The following SH3BGRL2 variants were observed in gnomAD, a reference collection of about 807,000 sequenced individuals.
The protein encoded by SH3BGRL2 is SH3 domain binding glutamate rich protein like 2, also known as SH3 domain-binding glutamic acid-rich-like protein 2.
In SH3BGRL2, 21 loss-of-function variants were observed where a neutral mutation model predicts 14.8. That is an observed-to-expected ratio of 1.42 (90% confidence interval 1.01 to 2.05). The LOEUF (loss-of-function observed/expected upper bound fraction) is 2.05. Among genes scored for constraint, SH3BGRL2 ranks in the 30% most tolerant of loss-of-function variants. The probability of loss-of-function intolerance (pLI) is 0.00; values close to 1 mark genes in which losing one functional copy is unlikely to be tolerated. For missense variants in SH3BGRL2, 147 were observed against 130.8 expected, an observed-to-expected ratio of 1.12 and a Z score of -0.61; for synonymous variants, 50 against 47.8, an observed-to-expected ratio of 1.05 and a Z score of -0.19.
At chr6:79,666,311 C>T (rs1413234333) in intron 1 of SH3BGRL2, among the ~76,000 whole-genome samples, 1 of 152,146 alleles carries the variant, frequency 6.6e-6, no homozygotes, top group East Asian at 1.9e-4. Context: ...GGACAAGGGG[C>T]CTTAGCATTG....
At chr6:79,672,572 C>G (rs1582730914) in intron 1 of SH3BGRL2, among the ~76,000 whole-genome samples, 1 of 152,114 alleles carries the variant, frequency 6.6e-6, no homozygotes, top group African/African-American at 2.4e-5. Context: ...TTAAAGTGAT[C>G]TCTTTAAAAC....
At chr6:79,690,797 A>T (rs1168240215) in intron 2 of SH3BGRL2, among the ~76,000 whole-genome samples, 2 of 152,154 alleles carry the variant, frequency 1.3e-5, no homozygotes, top group Non-Finnish European at 1.5e-5. Context: ...CACGCCTGTC[A>T]TCTCAGCACT....
the SH3BGRL2 span, among the ~76,000 whole-genome samples, chr6:79,580,850 G>C: frequency 1.1e-4 from 17 of 152,146 alleles, no homozygotes; most frequent in Non-Finnish European, 2.9e-5. Context: ...GAAGCCAGGA[G>C]CTGGTTTCTT....
At chr6:79,610,112 G>C in the SH3BGRL2 span, among the ~76,000 whole-genome samples, 1 of 152,124 alleles carries the variant, frequency 6.6e-6, no homozygotes, top group East Asian at 1.9e-4. Flanking sequence ...ATTTTTATCT[G>C]GAGAAAAGGA....
chr6:79,693,381 C>T (rs1052766017), intron 2 of SH3BGRL2, among the ~76,000 whole-genome samples: 1 of 151,556 alleles, frequency 6.6e-6, no homozygotes, highest in African/African-American at 2.4e-5. Context: ...CTGGCCAGGA[C>T]TTCCAACACT....
chr6:79,698,796 T>G (rs1429718838), intron 3 of SH3BGRL2, among the ~76,000 whole-genome samples: 1 of 152,138 alleles, frequency 6.6e-6, no homozygotes, highest in African/African-American at 2.4e-5. Context: ...GAGCCCACAG[T>G]GGCTGGCCCA....
intron 1 of SH3BGRL2, among the ~76,000 whole-genome samples, chr6:79,663,126 C>T (rs1421184639): frequency 1.3e-5 from 2 of 152,044 alleles, no homozygotes; most frequent in African/African-American, 4.8e-5. Context: ...TTGTTATTAC[C>T]GACATTCTGA....
At chr6:79,545,670 A>C in the SH3BGRL2 span, among the ~76,000 whole-genome samples, 3 of 152,234 alleles carry the variant, frequency 2.0e-5, no homozygotes, top group Non-Finnish European at 2.9e-5. Flanking sequence ...CCTGCATAAT[A>C]CTAGGGAAAA....
chr6:79,559,581 T>G, the SH3BGRL2 span, among the ~76,000 whole-genome samples: 1 of 152,214 alleles, frequency 6.6e-6, no homozygotes, highest in Non-Finnish European at 1.5e-5. Context: ...CAATACTTCG[T>G]ATTAGACTAG....
At chr6:79,687,460 T>A (rs1770123003) in intron 2 of SH3BGRL2, among the ~76,000 whole-genome samples, 1 of 152,184 alleles carries the variant, frequency 6.6e-6, no homozygotes, top group South Asian at 2.1e-4. Flanking sequence ...GAATTTGAGA[T>A]TCTCACCTTT....
At chr6:79,559,288 A>G in the SH3BGRL2 span, among the ~76,000 whole-genome samples, 1 of 151,700 alleles carries the variant, frequency 6.6e-6, no homozygotes, top group African/African-American at 2.4e-5. Context: ...ACATGGTGAG[A>G]CCCCATCCGT....
intron 1 of SH3BGRL2, 137 bp downstream of exon 1, chr6:79,631,643 C>A (rs1768827873): frequency 4.1e-6 from 2 of 485,638 alleles, no homozygotes; most frequent in East Asian, 4.3e-5. Flanking sequence ...GGTGATCCAT[C>A]ACACTCCGAC....
chr6:79,541,522 G>A, the SH3BGRL2 span, among the ~76,000 whole-genome samples: 1 of 152,052 alleles, frequency 6.6e-6, no homozygotes, highest in East Asian at 1.9e-4. Flanking sequence ...TCCAGGTATG[G>A]CCACCAGTGC....
chr6:79,590,809 T>C, the SH3BGRL2 span, among the ~76,000 whole-genome samples: 1 of 152,118 alleles, frequency 6.6e-6, no homozygotes. Context: ...CCTGCACATG[T>C]ACCTCCTGAA....
Position 79,688,664 on chromosome 6 carries a change from G to A in SH3BGRL2, c.232-7821G>A, listed in dbSNP as rs576490013. 3.2e-3 allele frequency among the ~76,000 whole-genome samples: 483 copies of A among 152,000 alleles called. 5 individuals are homozygous for A. The highest frequency in any genetic ancestry group is 0.011 in the African/African-American group (462 of 41,488). ...TTAACCTTTGTAGTAGGAACCCTAAGGTATTTTTTAAATATATGTAAGCCT... is the reference window on the plus strand; with the variant it reads ...TTAACCTTTGTAGTAGGAACCCTAAAGTATTTTTTAAATATATGTAAGCCT... On this transcript the variant is annotated intron_variant, in intron 2 of 3. Transcript: ENST00000369838.
chr6:79,669,553 T>A (rs759686156), intron 1 of SH3BGRL2, among the ~76,000 whole-genome samples: 44 of 151,006 alleles, frequency 2.9e-4, no homozygotes, highest in Non-Finnish European at 5.6e-4. Context: ...CAAGTGATTC[T>A]CCTGCCTCAG....
chr6:79,551,996 C>T, the SH3BGRL2 span, among the ~76,000 whole-genome samples: 10 of 152,234 alleles, frequency 6.6e-5, no homozygotes, highest in Admixed American at 4.6e-4. Context: ...GAAGCTGAGG[C>T]ACAAAATCGC....
intron 2 of SH3BGRL2, among the ~76,000 whole-genome samples, chr6:79,692,138 G>A (rs1185154327): frequency 6.6e-6 from 1 of 152,136 alleles, no homozygotes; most frequent in Non-Finnish European, 1.5e-5. Flanking sequence ...GAGTTTTTTG[G>A]CTGCATAAAT....
At chr6:79,558,074 C>T in the SH3BGRL2 span, among the ~76,000 whole-genome samples, 1 of 152,240 alleles carries the variant, frequency 6.6e-6, no homozygotes, top group Non-Finnish European at 1.5e-5. Context: ...AATTTAAATA[C>T]GTTAGCACAT....
Sources: allele counts gnomAD v4.1 joint callset (sites outside exome capture counted in the v4.1 genomes callset), GRCh38; gene constraint gnomAD v4.1.1; transcripts MANE v1.5; gene names NCBI Gene and HGNC (gene_info 2026-07-23, HGNC 2026-07-21).